Variants in RBM19 observed in about 807,000 individuals in gnomAD.
The protein encoded by RBM19 is RNA binding motif protein 19, also known as probable RNA-binding protein 19.
Under a neutral mutation model 116.8 loss-of-function variants are expected in RBM19, and 94 were observed. The observed-to-expected ratio is 0.80, with a 90% CI of 0.68 to 0.95. RBM19 has a LOEUF of 0.95. Among genes scored for constraint, RBM19 ranks in the 40% least tolerant of loss-of-function variants. RBM19 has a pLI of 0.00. For synonymous variants in RBM19, 475 were observed against 494.1 expected, an observed-to-expected ratio of 0.96 and a Z score of 0.51; for missense variants, 1,161 against 1,220.7, an observed-to-expected ratio of 0.95 and a Z score of 0.73.
chr12:113,909,723 C>T (rs1308790466), intron 21 of RBM19, among the ~76,000 whole-genome samples: 2 of 152,122 alleles, frequency 1.3e-5, no homozygotes, highest in East Asian at 3.9e-4. Flanking sequence ...AAGCGTGAGC[C>T]ACCCAAGCCT....
At chr12:113,946,067 A>G in intron 12 of RBM19, 143 bp from the exon 13 acceptor site, 1 of 815,230 alleles carries the variant, frequency 1.2e-6, no homozygotes, top group Non-Finnish European at 1.9e-6. Context: ...CTACGTATAC[A>G]GGGCCTGAAG....
At chr12:113,865,431 T>A (rs1878728348) in intron 21 of RBM19, among the ~76,000 whole-genome samples, 1 of 152,178 alleles carries the variant, frequency 6.6e-6, no homozygotes, top group Non-Finnish European at 1.5e-5. Context: ...ATGGCTTGTT[T>A]ACTTATTTAT....
intron 5 of RBM19, 99 bp from the exon 6 acceptor site, chr12:113,958,149 C>T (rs941835157): frequency 2.5e-5 from 38 of 1,510,272 alleles, no homozygotes; most frequent in African/African-American, 2.8e-5. Context: ...AGGCCTGAGG[C>T]ACCATGCCCA....
At chr12:113,924,656 C>T (rs756677873) in intron 18 of RBM19, 41 bp downstream of exon 18, 60 of 1,501,730 alleles carry the variant, frequency 4.0e-5, no homozygotes, top group African/African-American at 1.1e-4. Context: ...CCACTCTTTC[C>T]GGCTGAATAC....
intron 5 of RBM19, among the ~76,000 whole-genome samples, chr12:113,958,622 C>T (rs534006845): frequency 2.6e-5 from 4 of 152,276 alleles, no homozygotes; most frequent in South Asian, 2.1e-4. Context: ...AGTGCAGAAA[C>T]GTTACCAGGC....
At chr12:113,858,547 C>T (rs954209554) in intron 22 of RBM19, among the ~76,000 whole-genome samples, 1 of 152,182 alleles carries the variant, frequency 6.6e-6, no homozygotes, top group African/African-American at 2.4e-5. Flanking sequence ...AGTTTATGTC[C>T]CAGGTTCCTG....
At chr12:113,933,833 TC>T (rs1374876357) in intron 16 of RBM19, among the ~76,000 whole-genome samples, 4 of 152,206 alleles carry the variant, frequency 2.6e-5, no homozygotes, top group African/African-American at 9.6e-5. Flanking sequence ...GCTCAAAAGT[TC>T]CTGGGGAAGG....
chr12:113,929,981 T>C (rs1869460981), intron 16 of RBM19, among the ~76,000 whole-genome samples: 1 of 152,258 alleles, frequency 6.6e-6, no homozygotes, highest in African/African-American at 2.4e-5. Flanking sequence ...CAGCCCCTTC[T>C]TGGCACTGGC....
intron 21 of RBM19, among the ~76,000 whole-genome samples, chr12:113,911,698 A>G (rs1295109233): frequency 1.3e-5 from 2 of 152,136 alleles, no homozygotes; most frequent in Non-Finnish European, 2.9e-5. Flanking sequence ...TGGGCTCTGG[A>G]GCTGGTTTCT....
At chr12:113,953,095 A>G (rs1871609854) in intron 7 of RBM19, among the ~76,000 whole-genome samples, 2 of 152,252 alleles carry the variant, frequency 1.3e-5, no homozygotes, top group Admixed American at 6.5e-5. Flanking sequence ...CTGAAGTTTG[A>G]TAAGTTGTAA....
chr12:113,859,571 T>A (rs1327900067), intron 21 of RBM19, among the ~76,000 whole-genome samples: 3 of 152,082 alleles, frequency 2.0e-5, no homozygotes, highest in Admixed American at 1.3e-4. Flanking sequence ...CTGATAGGGA[T>A]CAAACTGGTA....
chr12:113,845,585 A>C (rs1054331983), intron 22 of RBM19, among the ~76,000 whole-genome samples: 2 of 152,176 alleles, frequency 1.3e-5, no homozygotes, highest in Non-Finnish European at 2.9e-5. Flanking sequence ...CCCCAAAGGA[A>C]ACCCCACACC....
chr12:113,938,767 T>G (rs112481574), intron 15 of RBM19, among the ~76,000 whole-genome samples: 4,753 of 151,968 alleles, frequency 0.031, 168 homozygotes, highest in East Asian at 0.11. Flanking sequence ...CAAGTGAGGA[T>G]GAAGGGAGAA....
chr12:113,818,364 C>T (rs1323229962), downstream of RBM19, among the ~76,000 whole-genome samples: 1 of 152,224 alleles, frequency 6.6e-6, no homozygotes, highest in African/African-American at 2.4e-5. Context: ...GCAGGAAGAG[C>T]CAGGTGCTGG....
chr12:113,933,402 G>A (rs949232309), intron 16 of RBM19, among the ~76,000 whole-genome samples: 3 of 152,170 alleles, frequency 2.0e-5, no homozygotes, highest in Admixed American at 6.5e-5. Flanking sequence ...GAGGGGCTGT[G>A]CATGTGCTGC....
intron 21 of RBM19, among the ~76,000 whole-genome samples, chr12:113,899,517 G>A (rs191717043): frequency 1.4e-4 from 22 of 152,250 alleles, no homozygotes; most frequent in African/African-American, 5.3e-4. Context: ...CACAATCCGG[G>A]CTTCTACCCT....
chr12:113,874,612 T>A (rs11066798), intron 21 of RBM19, among the ~76,000 whole-genome samples: 1 of 152,164 alleles, frequency 6.6e-6, no homozygotes, highest in Non-Finnish European at 1.5e-5. Flanking sequence ...GCTTCAGCCC[T>A]TGAACTCAGT....
intron 21 of RBM19, among the ~76,000 whole-genome samples, chr12:113,864,575 C>T (rs1372880146): frequency 1.3e-5 from 2 of 152,190 alleles, no homozygotes; most frequent in Admixed American, 6.5e-5. Context: ...TCTCACATTC[C>T]TCTTCCCTTA....
intron 16 of RBM19, among the ~76,000 whole-genome samples, chr12:113,928,273 G>A (rs1001818708): frequency 6.6e-6 from 1 of 152,086 alleles, no homozygotes; most frequent in African/African-American, 2.4e-5. Flanking sequence ...GGAGGCAGAG[G>A]TTGCAGTGAG....
Sources: allele counts gnomAD v4.1 joint callset (sites outside exome capture counted in the v4.1 genomes callset), GRCh38; gene constraint gnomAD v4.1.1; transcripts MANE v1.5; gene names NCBI Gene and HGNC (gene_info 2026-07-23, HGNC 2026-07-21).